The following HIVEP1 variants were observed in gnomAD, a reference collection of about 807,000 sequenced individuals.
HIVEP1 encodes zinc finger protein 40.
HIVEP1 carries 36 observed loss-of-function variants against 180.0 expected under a neutral mutation model. That is an observed-to-expected ratio of 0.20 (90% CI 0.15 to 0.26). The LOEUF (loss-of-function observed/expected upper bound fraction) is 0.26, where lower values mean the gene tolerates loss of function less well. Among genes scored for constraint, HIVEP1 ranks in the 10% least tolerant of loss-of-function variants. The pLI is 1.00. For missense variants in HIVEP1, 3,143 were observed against 3,268.7 expected (o/e 0.96, Z 0.94); for synonymous variants, 1,239 against 1,239.0 (o/e 1.00, Z 0.00).
upstream of HIVEP1, chr6:12,008,067 T>G (rs1767101294): frequency 6.6e-6 from 1 of 152,106 alleles, no homozygotes; most frequent in Non-Finnish European, 1.5e-5. Context: ...TGTTGTAGTG[T>G]TTTGTTAGTG....
intron 2 of HIVEP1, among the ~76,000 whole-genome samples, chr6:12,047,399 C>T (rs778770392): frequency 1.8e-4 from 28 of 152,256 alleles, no homozygotes; most frequent in Middle Eastern, 3.4e-3. Flanking sequence ...GGAAGTTGGA[C>T]GGTTGGCCAG....
intron 2 of HIVEP1, among the ~76,000 whole-genome samples, chr6:12,053,414 A>G (rs1469999429): frequency 6.6e-6 from 1 of 152,352 alleles, no homozygotes; most frequent in Admixed American, 6.5e-5. Context: ...GAGAAGCAGT[A>G]TAGAAATGTA....
chr6:12,136,102 G>A (rs1021114573), intron 7 of HIVEP1, among the ~76,000 whole-genome samples: 2 of 152,016 alleles, frequency 1.3e-5, no homozygotes, highest in Non-Finnish European at 2.9e-5. Context: ...TCATCTTTCT[G>A]AAGCATGTGT....
At chr6:12,042,636 A>G (rs1769847618) in intron 2 of HIVEP1, among the ~76,000 whole-genome samples, 1 of 151,970 alleles carries the variant, frequency 6.6e-6, no homozygotes. Context: ...GAATCCGTCA[A>G]CATGTTTTCT....
chr6:12,131,841 C>A (rs1758439289), intron 6 of HIVEP1, among the ~76,000 whole-genome samples: 1 of 144,342 alleles, frequency 6.9e-6, no homozygotes, highest in Non-Finnish European at 1.5e-5. Flanking sequence ...AACTTTTATC[C>A]TTTGAGTTAA....
At chr6:12,030,059 G>A (rs1248172541) in intron 2 of HIVEP1, among the ~76,000 whole-genome samples, 2 of 152,060 alleles carry the variant, frequency 1.3e-5, no homozygotes, top group East Asian at 3.8e-4. Context: ...TAATTTTCTG[G>A]ATATAGAATT....
chr6:12,159,933 T>A (rs1760296812), intron 7 of HIVEP1, among the ~76,000 whole-genome samples: 1 of 152,222 alleles, frequency 6.6e-6, no homozygotes, highest in South Asian at 2.1e-4. Flanking sequence ...CTTCTAAGGC[T>A]TTTCTCTAAA....
chr6:12,192,047 G>A, the HIVEP1 span, among the ~76,000 whole-genome samples: 1 of 152,158 alleles, frequency 6.6e-6, no homozygotes, highest in Non-Finnish European at 1.5e-5. Flanking sequence ...CTATGCTTCT[G>A]CAACACCTTC....
chr6:12,097,018 G>A (rs185733736), intron 3 of HIVEP1, among the ~76,000 whole-genome samples: 1 of 152,150 alleles, frequency 6.6e-6, no homozygotes, highest in Admixed American at 6.5e-5. Flanking sequence ...TATGGCTAGA[G>A]GAAAGGCTAG....
rs369724526 is a variant in HIVEP1 at position 12,120,204 on chromosome 6, C to T, written c.409C>T (p.Leu137=). Residue 137 remains leucine (L), a synonymous_variant, in exon 4 of 9, where the codon CTG becomes TTG. Transcript: ENST00000379388. ...TGTCTCCCCAAAGAAGCCCTTGTTT[C>T]TGCAGCAACCATCTGAACTGCGTAG... ...ESVSPKKPLF[L]QQPSELRRWR... 1.1e-5 allele frequency: 17 copies of T among 1,614,080 alleles called. No individual in the cohort carries two copies. The highest frequency in any genetic ancestry group is 1.4e-5 in the Non-Finnish European group (17 of 1,180,036).
intron 2 of HIVEP1, among the ~76,000 whole-genome samples, chr6:12,032,139 CTTTT>C (rs71877836): frequency 7.5e-6 from 1 of 133,722 alleles, no homozygotes; most frequent in Non-Finnish European, 1.6e-5. Context: ...CACTGATAAC[CTTTT>C]TTTTTTTTTT....
chr6:12,164,163 C>T lies in HIVEP1; in HGVS notation c.7859C>T (p.Pro2620Leu), dbSNP rs1421969549. 1.9e-6 allele frequency: 3 copies of T among 1,614,200 alleles called. No individual in the cohort carries two copies. Among genetic ancestry groups the T allele is most frequent in the Middle Eastern group, 1.6e-4 (1 of 6,062 alleles). The change falls in exon 9 of 9, where the codon CCT (proline) becomes CTT (leucine). Residue 2620 changes from proline to leucine, a missense_variant. Transcript: ENST00000379388. ...AAAAAAGTTCTGAATCCACCTGCCC[C>T]TGCAGGTGACCATGCAAGGCTTGAT... is the stretch of plus-strand genomic sequence containing the variant. ...NAKKVLNPPAPAGDHARLDGL... is the reference protein window; with the variant it reads ...NAKKVLNPPALAGDHARLDGL...
chr6:12,100,487 A>G (rs1402646510), intron 3 of HIVEP1, among the ~76,000 whole-genome samples: 1 of 152,220 alleles, frequency 6.6e-6, no homozygotes, highest in Admixed American at 6.5e-5. Context: ...CAGCTACTGT[A>G]TACAGTAAGA....
chr6:12,099,189 T>TG (rs1194648049), intron 3 of HIVEP1, among the ~76,000 whole-genome samples: 2 of 150,410 alleles, frequency 1.3e-5, no homozygotes, highest in South Asian at 2.1e-4. Flanking sequence ...CTGAGTTTTT[T>TG]TTTTTTTTTT....
intron 7 of HIVEP1, among the ~76,000 whole-genome samples, chr6:12,156,207 A>G (rs1760035111): frequency 6.6e-6 from 1 of 152,048 alleles, no homozygotes; most frequent in Non-Finnish European, 1.5e-5. Flanking sequence ...TTGTGTGTTC[A>G]CTCTGATGAT....
chr6:12,103,500 G>A (rs965769337), intron 3 of HIVEP1, among the ~76,000 whole-genome samples: 2 of 151,982 alleles, frequency 1.3e-5, no homozygotes, highest in Non-Finnish European at 2.9e-5. Context: ...GGATGCAAGA[G>A]TCCAGGATAG....
the HIVEP1 span, among the ~76,000 whole-genome samples, chr6:12,178,683 C>T: frequency 6.6e-6 from 1 of 152,050 alleles, no homozygotes; most frequent in Non-Finnish European, 1.5e-5. Flanking sequence ...TTTGGAAAAA[C>T]AATCTGGCAG....
chr6:12,121,088 G>A lies in HIVEP1; in HGVS notation c.1293G>A (p.Glu431=), dbSNP rs1157015431. ...AGCATATCCGCTCCCACACTGGAGA[G>A]CGACCCTATCCCTGTGTGACTTGTG... ...LLKHIRSHTG[E]RPYPCVTCGF... Residue 431 remains glutamate, a synonymous_variant, in exon 4 of 9, where the codon GAG becomes GAA. Transcript: ENST00000379388. The surrounding 1 kb of genome is among the most constrained non-coding windows in gnomAD (Gnocchi z 5.3). The A allele has an allele frequency of 6.2e-7, 1 of 1,614,086 alleles. No homozygotes were observed. The highest frequency in any genetic ancestry group is 8.5e-7 in the Non-Finnish European group (1 of 1,180,032).
chr6:12,146,277 A>G (rs112779872), intron 7 of HIVEP1, among the ~76,000 whole-genome samples: 1 of 152,056 alleles, frequency 6.6e-6, no homozygotes, highest in Admixed American at 6.6e-5. Flanking sequence ...ATCCTGTCTC[A>G]ACTAAAAATA....
Sources: gnomAD v4.1 joint callset for allele counts (sites outside exome capture counted in the v4.1 genomes callset) on GRCh38, gnomAD v4.1.1 for gene constraint, Gnocchi (gnomAD v3.1) non-coding constraint, MANE v1.5 for transcripts, NCBI Gene and HGNC (gene_info 2026-07-23, HGNC 2026-07-21) for gene names.